The following ARL15 variants were observed in gnomAD, a reference collection of about 807,000 sequenced individuals.
The protein encoded by ARL15 is ARF like GTPase 15.
In ARL15, 19 loss-of-function variants were observed where a neutral mutation model predicts 25.2. That is an observed-to-expected ratio of 0.75 (90% CI 0.53 to 1.10). The LOEUF (loss-of-function observed/expected upper bound fraction) is 1.10. Among genes scored for constraint, ARL15 ranks in the 50% least tolerant of loss-of-function variants. ARL15 has a pLI of 0.00. For missense variants in ARL15, 220 were observed against 246.0 expected (o/e 0.89, Z 0.71); for synonymous variants, 94 against 86.8 (o/e 1.08, Z -0.46).
chr5:54,241,686 C>T (rs994793234), intron 1 of ARL15, among the ~76,000 whole-genome samples: 1 of 152,142 alleles, frequency 6.6e-6, no homozygotes, highest in Non-Finnish European at 1.5e-5. Flanking sequence ...CGTGTTGAAT[C>T]CGATTCCTTA....
intron 1 of ARL15, among the ~76,000 whole-genome samples, chr5:54,289,309 T>C (rs1758261969): frequency 6.6e-6 from 1 of 150,598 alleles, no homozygotes; most frequent in Admixed American, 6.6e-5. Flanking sequence ...CCAGTGGTAG[T>C]GGCACACAAA....
chr5:54,286,883 T>A (rs1325375348), intron 1 of ARL15, among the ~76,000 whole-genome samples: 1 of 149,244 alleles, frequency 6.7e-6, no homozygotes, highest in Non-Finnish European at 1.5e-5. Flanking sequence ...TTTTTTTTTT[T>A]AATGAGACAG....
intron 4 of ARL15, among the ~76,000 whole-genome samples, chr5:53,990,919 T>C (rs1748468703): frequency 6.6e-6 from 1 of 152,200 alleles, no homozygotes; most frequent in African/African-American, 2.4e-5. Flanking sequence ...GTGCTTGCCT[T>C]TTGTGGCTTA....
chr5:54,173,229 A>G (rs13172077), intron 1 of ARL15, among the ~76,000 whole-genome samples: 29,374 of 151,766 alleles, frequency 0.19, 3,019 homozygotes, highest in Middle Eastern at 0.25. Context: ...AAAGAAAAAC[A>G]AGAGGATTTG....
At chr5:54,154,959 A>G (rs1303523508) in intron 2 of ARL15, among the ~76,000 whole-genome samples, 1 of 152,134 alleles carries the variant, frequency 6.6e-6, no homozygotes, top group East Asian at 1.9e-4. Flanking sequence ...CGTTTCTACT[A>G]AAAATACAAA....
At chr5:54,089,291 G>A (rs765347233) in intron 4 of ARL15, among the ~76,000 whole-genome samples, 3 of 152,042 alleles carry the variant, frequency 2.0e-5, no homozygotes, top group African/African-American at 4.8e-5. Flanking sequence ...TAGACTGTAC[G>A]TTAATTAAGG....
chr5:53,895,743 G>C (rs1744850688), intron 4 of ARL15, among the ~76,000 whole-genome samples: 1 of 151,856 alleles, frequency 6.6e-6, no homozygotes, highest in Non-Finnish European at 1.5e-5. Flanking sequence ...AATACTCTTT[G>C]GGTGCATTTA....
At chr5:54,221,825 GCACACACACACACACACA>G (rs3035310) in intron 1 of ARL15, among the ~76,000 whole-genome samples, 4,362 of 142,112 alleles carry the variant, frequency 0.031, 150 homozygotes, top group African/African-American at 0.083. Context: ...CAAGAAACAT[GCACACACACACACACACA>G]CACACACACA....
At chr5:54,087,167 G>C (rs527572417) in intron 4 of ARL15, among the ~76,000 whole-genome samples, 1 of 151,854 alleles carries the variant, frequency 6.6e-6, no homozygotes, top group East Asian at 1.9e-4. Flanking sequence ...AAACCCCGTC[G>C]CTACTAAAAA....
At chr5:54,271,282 A>C (rs1368980570) in intron 1 of ARL15, among the ~76,000 whole-genome samples, 1 of 152,170 alleles carries the variant, frequency 6.6e-6, no homozygotes, top group African/African-American at 2.4e-5. Flanking sequence ...ACAGTTGTAC[A>C]GTTGTCCCTC....
chr5:54,136,746 C>G (rs1305821128), intron 3 of ARL15, among the ~76,000 whole-genome samples: 1 of 152,242 alleles, frequency 6.6e-6, no homozygotes, highest in Admixed American at 6.5e-5. Flanking sequence ...AAAAATAATT[C>G]TTTTTATAGC....
At chr5:54,080,758 C>T (rs1751771435) in intron 4 of ARL15, among the ~76,000 whole-genome samples, 1 of 152,086 alleles carries the variant, frequency 6.6e-6, no homozygotes, top group South Asian at 2.1e-4. Flanking sequence ...TCTGAAACTC[C>T]CCCTGTCCTT....
At chr5:54,065,723 C>A (rs1191450619) in intron 4 of ARL15, among the ~76,000 whole-genome samples, 1 of 152,046 alleles carries the variant, frequency 6.6e-6, no homozygotes, top group Non-Finnish European at 1.5e-5. Flanking sequence ...CTACAAAAAA[C>A]AAATTGAGAT....
chr5:54,177,286 G>A (rs6880521), intron 1 of ARL15, among the ~76,000 whole-genome samples: 167 of 152,314 alleles, frequency 1.1e-3, no homozygotes, highest in African/African-American at 3.7e-3. Flanking sequence ...GCAAAGACCA[G>A]AATCACCAGT....
intron 4 of ARL15, among the ~76,000 whole-genome samples, chr5:54,084,090 G>T (rs1444037140): frequency 6.6e-6 from 1 of 152,164 alleles, no homozygotes; most frequent in Non-Finnish European, 1.5e-5. Context: ...AGGAAACCAG[G>T]AAGTCTTCCA....
intron 4 of ARL15, among the ~76,000 whole-genome samples, chr5:54,003,016 T>A (rs766616663): frequency 6.6e-6 from 1 of 152,128 alleles, no homozygotes; most frequent in Non-Finnish European, 1.5e-5. Context: ...TTAGTAGTAG[T>A]CAATGGAAAA....
At chr5:54,188,814 G>T (rs1579891058) in intron 1 of ARL15, among the ~76,000 whole-genome samples, 1 of 151,986 alleles carries the variant, frequency 6.6e-6, no homozygotes, top group South Asian at 2.1e-4. Flanking sequence ...TTTCTTAGAG[G>T]GCTTCCAAAG....
chr5:54,083,558 A>C (rs553348647), intron 4 of ARL15, among the ~76,000 whole-genome samples: 1 of 152,254 alleles, frequency 6.6e-6, no homozygotes, highest in Non-Finnish European at 1.5e-5. Flanking sequence ...TCATGAGAAA[A>C]TATCACCAAT....
chr5:54,201,909 T>C (rs766139513), intron 1 of ARL15, among the ~76,000 whole-genome samples: 19 of 152,080 alleles, frequency 1.2e-4, no homozygotes, highest in Non-Finnish European at 2.2e-4. Context: ...TAAAATTATA[T>C]AGGGATAAAA....
Sources: allele counts gnomAD v4.1 joint callset (sites outside exome capture counted in the v4.1 genomes callset), GRCh38; gene constraint gnomAD v4.1.1; transcripts MANE v1.5; gene names NCBI Gene and HGNC (gene_info 2026-07-23, HGNC 2026-07-21).